The following SLC35D1 variants were observed in gnomAD, a reference collection of about 807,000 sequenced individuals.
SLC35D1 encodes the protein nucleotide sugar transporter SLC35D1.
SLC35D1 carries 31 observed loss-of-function variants against 46.7 expected under a neutral mutation model. The observed-to-expected ratio is 0.66, with a 90% CI of 0.50 to 0.90. The LOEUF is 0.90. Ranked by LOEUF, SLC35D1 falls within the 40% of genes least tolerant of loss-of-function variation. The pLI is 0.00. For synonymous variants in SLC35D1, 195 were observed against 164.6 expected (o/e 1.18, Z -1.41); for missense variants, 397 against 426.2 (o/e 0.93, Z 0.60).
intron 6 of SLC35D1, among the ~76,000 whole-genome samples, chr1:67,049,353 C>T (rs1645284629): frequency 6.6e-6 from 1 of 151,820 alleles, no homozygotes; most frequent in Non-Finnish European, 1.5e-5. Flanking sequence ...TGAAGAAAGC[C>T]ACAGATTCAA....
chr1:67,038,662 T>C (rs1054248740), intron 8 of SLC35D1, among the ~76,000 whole-genome samples: 4 of 152,224 alleles, frequency 2.6e-5, no homozygotes, highest in African/African-American at 9.6e-5. Flanking sequence ...CTATGTTAAC[T>C]AGGTATCTTT....
In SLC35D1 at chr1:67,001,165, G is replaced by A. The variant is rs750490580; in HGVS notation, c.*3175C>T. 3 of 152,318 alleles carry A rather than the reference G, an allele frequency of 2.0e-5. No homozygotes were observed. The highest frequency in any genetic ancestry group is 6.5e-5 in the Admixed American group (1 of 15,284). The allele number at this position is 152,318 out of a possible 1,614,324, so 9.4% of individuals were successfully genotyped here. ...TCACTGAACGAGGCTATCAAGTAAG[G>A]CAGGCCCAAAGTCCTGGGGTGCCAT... On this transcript the variant is annotated 3_prime_UTR_variant, in exon 12 of 12. Transcript: ENST00000235345.
At position 67,049,770 on chromosome 1, in the gene SLC35D1, C is replaced by T. The variant is rs987116885; in HGVS notation, c.533+12G>A. ...CAATTTATAATGTGCTAGTCATAGG[C>T]CCACATCTTACCTGGCAGCTACAAA... is the stretch of plus-strand genomic sequence containing the variant. On this transcript the variant is annotated intron_variant, in intron 6 of 11. Transcript: ENST00000235345. 1.1e-5 allele frequency: 18 copies of T among 1,610,156 alleles called. No homozygotes were observed. Among genetic ancestry groups the T allele is most frequent in the East Asian group, 2.2e-5 (1 of 44,778 alleles).
intron 10 of SLC35D1, among the ~76,000 whole-genome samples, chr1:67,009,555 T>C (rs960553853): frequency 6.6e-6 from 1 of 152,090 alleles, no homozygotes; most frequent in Non-Finnish European, 1.5e-5. Context: ...AAAGAAAACA[T>C]ACATGCAGCA....
At chr1:67,027,885 C>T (rs1293564718) in intron 8 of SLC35D1, among the ~76,000 whole-genome samples, 2 of 151,990 alleles carry the variant, frequency 1.3e-5, no homozygotes, top group Non-Finnish European at 2.9e-5. Flanking sequence ...GTGTGAGCCA[C>T]CATGCCTGGC....
intron 6 of SLC35D1, among the ~76,000 whole-genome samples, chr1:67,049,533 G>T (rs761010859): frequency 1.1e-4 from 16 of 152,338 alleles, no homozygotes; most frequent in African/African-American, 3.6e-4. Flanking sequence ...CATGCTATGT[G>T]CTCAGCACAA....
the SLC35D1 span, among the ~76,000 whole-genome samples, chr1:66,974,643 G>A: frequency 6.6e-6 from 1 of 152,048 alleles, no homozygotes; most frequent in Non-Finnish European, 1.5e-5. Context: ...AGTATTAAAA[G>A]TATAACCTTG....
chr1:66,997,947 C>T (rs924854436), downstream of SLC35D1, among the ~76,000 whole-genome samples: 3 of 151,724 alleles, frequency 2.0e-5, no homozygotes, highest in Non-Finnish European at 4.4e-5. Context: ...CATCACTAAT[C>T]ATTAGGAAAA....
At chr1:66,997,436 G>A (rs565897314), downstream of SLC35D1, among the ~76,000 whole-genome samples, 2 of 148,900 alleles carry the variant, frequency 1.3e-5, no homozygotes, top group South Asian at 4.3e-4. Flanking sequence ...CCAGGAAATT[G>A]AGGCTGCAGT....
At chr1:66,976,054 C>G in the SLC35D1 span, among the ~76,000 whole-genome samples, 1 of 151,936 alleles carries the variant, frequency 6.6e-6, no homozygotes, top group Non-Finnish European at 1.5e-5. Context: ...GTGGTGTGAT[C>G]TCAGCTTAAT....
the SLC35D1 span, chr1:66,984,887 A>C: frequency 6.3e-7 from 1 of 1,586,260 alleles, no homozygotes. Context: ...GAACTTGAAA[A>C]CACAGATGAC....
intron 4 of SLC35D1, 80 bp downstream of exon 4, chr1:67,051,932 T>A (rs1570648039): frequency 5.1e-6 from 5 of 981,568 alleles, no homozygotes; most frequent in Middle Eastern, 2.6e-4. Context: ...TCAATAACAA[T>A]GTGTTAAATA....
At chr1:66,985,621 C>T in the SLC35D1 span, 1 of 984,982 alleles carries the variant, frequency 1.0e-6, no homozygotes, top group African/African-American at 1.7e-5. Flanking sequence ...GCTGTCCTTT[C>T]TTAATACAAA....
intron 8 of SLC35D1, among the ~76,000 whole-genome samples, chr1:67,041,816 C>A (rs1645189634): frequency 6.6e-6 from 1 of 152,012 alleles, no homozygotes; most frequent in Non-Finnish European, 1.5e-5. Flanking sequence ...ACCAGGATGA[C>A]AACTGTACAC....
intron 10 of SLC35D1, among the ~76,000 whole-genome samples, chr1:67,010,263 G>A (rs1322414588): frequency 2.0e-5 from 3 of 152,134 alleles, no homozygotes; most frequent in African/African-American, 4.8e-5. Context: ...TGACAGGATC[G>A]TTTGTACACC....
At chr1:67,027,453 TCTTAA>T (rs1439248686) in intron 8 of SLC35D1, among the ~76,000 whole-genome samples, 1 of 152,114 alleles carries the variant, frequency 6.6e-6, no homozygotes, top group African/African-American at 2.4e-5. Context: ...TATTCTTCCT[TCTTAA>T]AAGACAGGTC....
chr1:66,981,817 C>T, the SLC35D1 span: 1 of 1,613,860 alleles, frequency 6.2e-7, no homozygotes. Context: ...AGTGAAAGTG[C>T]TGCATCTAGT....
chr1:66,986,084 G>T, the SLC35D1 span: 2 of 1,049,512 alleles, frequency 1.9e-6, no homozygotes, highest in Non-Finnish European at 2.3e-6. Context: ...CTTAGATATT[G>T]GCACACACAA....
In SLC35D1 at chr1:67,054,083, G is replaced by A. The variant is rs904151819; in HGVS notation, c.-70C>T. 17 of 1,522,612 alleles carry A rather than the reference G, an allele frequency of 1.1e-5. No homozygotes were observed. In the African/African-American group the frequency reaches 2.1e-4, roughly 19 times the overall value. The allele number at this position is 1,522,612 out of a possible 1,614,324, so 94.3% of individuals were successfully genotyped here. A position where few individuals can be genotyped will look rare whatever the true frequency, so the allele number is the denominator to read the frequency against. On this transcript the variant is annotated 5_prime_UTR_variant, in exon 1 of 12. Transcript: ENST00000235345. ...GGGGGCCTGCAGCGGCAGCTCCCAG[G>A]GGACTCCAGGAGTTGGGGACCGCAG...
Sources: gnomAD v4.1 joint callset for allele counts (sites outside exome capture counted in the v4.1 genomes callset) on GRCh38, gnomAD v4.1.1 for gene constraint, MANE v1.5 for transcripts, NCBI Gene and HGNC (gene_info 2026-07-23, HGNC 2026-07-21) for gene names.